CRPPA: variants seen among roughly 807,000 people sequenced by gnomAD.
CRPPA encodes the protein D-ribitol-5-phosphate cytidylyltransferase.
In CRPPA, 43 loss-of-function variants were observed where a neutral mutation model predicts 52.0. That is an observed-to-expected ratio of 0.83 (90% CI 0.65 to 1.07). CRPPA has a LOEUF of 1.07. Ranked by LOEUF, CRPPA falls within the 50% of genes least tolerant of loss-of-function variation. CRPPA has a pLI of 0.00. For missense variants in CRPPA, 629 were observed against 551.7 expected, an observed-to-expected ratio of 1.14 and a Z score of -1.40; for synonymous variants, 250 against 203.5, an observed-to-expected ratio of 1.23 and a Z score of -1.94.
intron 3 of CRPPA, among the ~76,000 whole-genome samples, chr7:16,312,422 G>T (rs1257300315): frequency 1.3e-5 from 2 of 151,942 alleles, no homozygotes; most frequent in Non-Finnish European, 2.9e-5. Flanking sequence ...TGTTCATGCT[G>T]GTACAAACGA....
At chr7:16,127,199 C>T (rs1782597348) in intron 9 of CRPPA, among the ~76,000 whole-genome samples, 1 of 151,996 alleles carries the variant, frequency 6.6e-6, no homozygotes, top group South Asian at 2.1e-4. Flanking sequence ...TATTCAACAA[C>T]CATCCCTATG....
chr7:16,364,964 T>G lies in CRPPA; in HGVS notation c.684+11128A>C, dbSNP rs186739755. 3.3e-5 allele frequency among the ~76,000 whole-genome samples: 5 copies of G among 152,310 alleles called. No individual in the cohort carries two copies. In the East Asian group the frequency reaches 9.6e-4, roughly 29 times the overall value. ...GGAAACTTAACATAAGATTTCAAAT[T>G]TATAGAAAAGTTATAAAGGTCAATA... On this transcript the variant is annotated intron_variant, in intron 3 of 9. Transcript: ENST00000407010.
At chr7:16,122,474 G>A (rs1407812777) in intron 9 of CRPPA, among the ~76,000 whole-genome samples, 1 of 151,932 alleles carries the variant, frequency 6.6e-6, no homozygotes, top group African/African-American at 2.4e-5. Flanking sequence ...AAGTCAACAT[G>A]TTCATAGGAA....
At chr7:16,278,079 A>T (rs1481970418) in intron 6 of CRPPA, 50 bp downstream of exon 6, 1 of 907,738 alleles carries the variant, frequency 1.1e-6, no homozygotes, top group African/African-American at 1.7e-5. Context: ...TTTATACTAT[A>T]AAAGTTTTTG....
chr7:16,365,880 C>G (rs1197503215), intron 3 of CRPPA, among the ~76,000 whole-genome samples: 2 of 151,894 alleles, frequency 1.3e-5, no homozygotes, highest in African/African-American at 4.8e-5. Flanking sequence ...TATACAAAAC[C>G]CTACCACATC....
At chr7:16,164,084 A>G (rs1185886789) in intron 9 of CRPPA, among the ~76,000 whole-genome samples, 1 of 152,108 alleles carries the variant, frequency 6.6e-6, no homozygotes, top group African/African-American at 2.4e-5. Flanking sequence ...GTTCTCCTGG[A>G]TAATATCCTG....
At chr7:16,271,365 T>G (rs1784086182) in intron 6 of CRPPA, among the ~76,000 whole-genome samples, 1 of 152,182 alleles carries the variant, frequency 6.6e-6, no homozygotes, top group African/African-American at 2.4e-5. Flanking sequence ...ATAATCTTCT[T>G]GTAAAGGTAA....
intron 3 of CRPPA, among the ~76,000 whole-genome samples, chr7:16,321,520 A>C (rs536959906): frequency 1.4e-4 from 22 of 152,278 alleles, no homozygotes; most frequent in African/African-American, 4.3e-4. Context: ...TCATACAAGG[A>C]GAACCATTAC....
chr7:16,121,831 T>C (rs998618801), intron 9 of CRPPA, among the ~76,000 whole-genome samples: 4 of 152,040 alleles, frequency 2.6e-5, no homozygotes, highest in Admixed American at 6.6e-5. Flanking sequence ...AACCAAAACA[T>C]ACATTGATTT....
rs1787948895 is a variant in CRPPA, at chr7:16,406,182, G to A, written c.413C>T (p.Ala138Val). ...RSIFNGLKAL[A>V]EDQINSKLSK... The stretch of plus-strand genomic sequence containing the variant: ...GAGTTTAGAGTTGATCTGATCTTCT[G>A]CCAGTGCTTTTAGTCCATTGAAAAT... Residue 138 changes from alanine (A) to valine (V), a missense_variant, in exon 2 of 10, where the codon GCA becomes GTA. By Grantham distance (64) the Ala-to-Val change is moderately conservative. Coordinates refer to ENST00000407010, the MANE Select transcript of CRPPA (RefSeq NM_001101426.4). 1.2e-6 allele frequency: 2 copies of A among 1,613,962 alleles called. No homozygotes were observed. Among genetic ancestry groups the A allele is most frequent in the Admixed American group, 1.7e-5 (1 of 60,018 alleles).
chr7:16,283,335 T>C (rs1001426771), intron 5 of CRPPA, among the ~76,000 whole-genome samples: 8 of 150,662 alleles, frequency 5.3e-5, no homozygotes, highest in African/African-American at 1.9e-4. Flanking sequence ...TTATATGTTA[T>C]GAAAGTTATT....
At chr7:16,118,448 C>T (rs1447491467) in intron 9 of CRPPA, among the ~76,000 whole-genome samples, 1 of 152,160 alleles carries the variant, frequency 6.6e-6, no homozygotes, top group Non-Finnish European at 1.5e-5. Context: ...CATCCAAGCC[C>T]TGCTACTTAA....
At chr7:16,197,149 C>T (rs533519569) in intron 9 of CRPPA, among the ~76,000 whole-genome samples, 3 of 152,082 alleles carry the variant, frequency 2.0e-5, no homozygotes, top group East Asian at 1.9e-4. Context: ...GAAGGAAAAC[C>T]GAGTTATGAA....
At chr7:16,381,446 G>A (rs1787086724) in intron 2 of CRPPA, among the ~76,000 whole-genome samples, 1 of 151,758 alleles carries the variant, frequency 6.6e-6, no homozygotes, top group Non-Finnish European at 1.5e-5. Flanking sequence ...TTGGTGTGGT[G>A]CTGAAAAAAA....
intron 9 of CRPPA, among the ~76,000 whole-genome samples, chr7:16,152,797 C>T (rs1420502216): frequency 6.6e-6 from 1 of 151,832 alleles, no homozygotes; most frequent in Non-Finnish European, 1.5e-5. Context: ...TTCTGTAGCA[C>T]CAATACAATG....
intron 8 of CRPPA, among the ~76,000 whole-genome samples, chr7:16,222,369 C>A (rs1782537120): frequency 6.8e-6 from 1 of 147,640 alleles, no homozygotes; most frequent in Admixed American, 6.7e-5. Context: ...GGGTGCAGCG[C>A]ACCAGCATGG....
chr7:16,290,916 A>G (rs1240434152), intron 5 of CRPPA, among the ~76,000 whole-genome samples: 1 of 151,776 alleles, frequency 6.6e-6, no homozygotes, highest in Non-Finnish European at 1.5e-5. Flanking sequence ...TAGCATATAC[A>G]AGGAACTCAA....
chr7:16,111,052 T>G (rs7799529), intron 9 of CRPPA, among the ~76,000 whole-genome samples: 16,446 of 151,810 alleles, frequency 0.11, 1,251 homozygotes, highest in African/African-American at 0.2. Context: ...AATATTTAAG[T>G]AGCTCAAACA....
intron 8 of CRPPA, among the ~76,000 whole-genome samples, chr7:16,245,398 T>C (rs1282344839): frequency 6.6e-6 from 1 of 152,198 alleles, no homozygotes; most frequent in Non-Finnish European, 1.5e-5. Context: ...CTGAAATTGC[T>C]TTCTGGCCAT....
Sources: allele counts gnomAD v4.1 joint callset (sites outside exome capture counted in the v4.1 genomes callset), GRCh38; gene constraint gnomAD v4.1.1; transcripts MANE v1.5; gene names NCBI Gene and HGNC (gene_info 2026-07-23, HGNC 2026-07-21).